The following ASIC2 variants were observed in gnomAD, a reference collection of about 807,000 sequenced individuals.
The protein encoded by ASIC2 is acid-sensing ion channel 2.
Under a neutral mutation model 57.3 loss-of-function variants are expected in ASIC2, and 25 were observed. The ratio of observed to expected loss-of-function variants is 0.44; its 90% CI spans 0.32 to 0.61. The LOEUF is 0.61. Ranked by LOEUF, ASIC2 falls within the 20% of genes least tolerant of loss-of-function variation. The pLI is 0.06. For synonymous variants in ASIC2, 319 were observed against 307.5 expected, an observed-to-expected ratio of 1.04 and a Z score of -0.39; for missense variants, 641 against 738.1, an observed-to-expected ratio of 0.87 and a Z score of 1.52.
At chr17:33,087,765 C>T (rs886502441) in intron 3 of ASIC2, among the ~76,000 whole-genome samples, 8 of 151,356 alleles carry the variant, frequency 5.3e-5, no homozygotes, top group Non-Finnish European at 1.0e-4. Flanking sequence ...CATAATGTTG[C>T]CCAGGCTGGT....
At chr17:33,892,150 T>A (rs886094441) in intron 1 of ASIC2, among the ~76,000 whole-genome samples, 3 of 152,206 alleles carry the variant, frequency 2.0e-5, no homozygotes, top group African/African-American at 7.2e-5. Context: ...AGAGTTATGT[T>A]TGTACTCATT....
intron 1 of ASIC2, among the ~76,000 whole-genome samples, chr17:33,909,744 T>C (rs1915421680): frequency 6.6e-6 from 1 of 152,232 alleles, no homozygotes. Flanking sequence ...AAATGATCAT[T>C]ATATAATTTG....
At chr17:33,635,531 G>A (rs1013483180) in intron 1 of ASIC2, among the ~76,000 whole-genome samples, 2 of 152,196 alleles carry the variant, frequency 1.3e-5, no homozygotes, top group African/African-American at 4.8e-5. Context: ...AGCCCAAAGT[G>A]GGAGATAGCA....
intron 3 of ASIC2, chr17:33,052,308 TG>T: frequency 6.6e-6 from 1 of 152,368 alleles, no homozygotes; most frequent in East Asian, 1.9e-4. Context: ...TTAATTCTTC[TG>T]GCTGTAATTT....
At position 33,213,722 on chromosome 17, in the gene ASIC2, A is replaced by G. The variant is rs570982611; in HGVS notation, c.708+77686T>C. Among the ~76,000 whole-genome samples the G allele has an allele frequency of 3.3e-5, 5 of 151,658 alleles. No individual in the cohort carries two copies. The East Asian group carries it at 9.7e-4, about 29-fold the overall frequency. ...TCTTTCCCCCTTTCCCCTTCTTTCC[A>G]CCCAGGCTGGATGTTCCAGCTGCCA... On this transcript the variant is annotated intron_variant, in intron 1 of 9. Coordinates refer to ENST00000225823, the MANE Select transcript of ASIC2 (RefSeq NM_183377.2).
At chr17:33,851,887 A>T (rs1038572768) in intron 1 of ASIC2, among the ~76,000 whole-genome samples, 6 of 152,224 alleles carry the variant, frequency 3.9e-5, no homozygotes, top group Non-Finnish European at 8.8e-5. Context: ...TGCTCAGTTC[A>T]TAGAGTAATT....
Position 33,912,597 on chromosome 17 carries a change from T to A in ASIC2, c.555+243381A>T, listed in dbSNP as rs913068387. 2.0e-5 allele frequency among the ~76,000 whole-genome samples: 3 copies of A among 152,164 alleles called. 1 individual carries two copies. In the South Asian group the frequency reaches 6.2e-4, roughly 32 times the overall value. On this transcript the variant is annotated intron_variant, in intron 1 of 9. Coordinates refer to the ASIC2 transcript ENST00000359872. ...GACAGCAGTTCTTCCCCAGCATCCCTGGGGAGTCCTGTGTGAAACCTCTGA... is the reference window on the plus strand; with the variant it reads ...GACAGCAGTTCTTCCCCAGCATCCCAGGGGAGTCCTGTGTGAAACCTCTGA...
intron 1 of ASIC2, among the ~76,000 whole-genome samples, chr17:33,786,030 GT>G (rs1911590804): frequency 6.6e-6 from 1 of 152,166 alleles, no homozygotes; most frequent in Non-Finnish European, 1.5e-5. Context: ...CTCAGGGAGA[GT>G]TTAAGGAGCT....
In ASIC2 at chr17:33,469,006, C is replaced by T. The variant is rs1458042828; in HGVS notation, c.556-356939G>A. ...AGGGTAGTTTACGGAAAGAGCCTGGCGGAGGCCTGGGCCCCAGAGAAGGGA... is the reference window on the plus strand; with the variant it reads ...AGGGTAGTTTACGGAAAGAGCCTGGTGGAGGCCTGGGCCCCAGAGAAGGGA... On this transcript the variant is annotated intron_variant, in intron 1 of 9. Transcript: ENST00000359872. Among the ~76,000 whole-genome samples the T allele has an allele frequency of 6.6e-5, 10 of 152,278 alleles. No homozygotes were observed. The South Asian group carries it at 1.0e-3, about 16-fold the overall frequency.
intron 3 of ASIC2, among the ~76,000 whole-genome samples, chr17:33,056,106 A>G (rs1402387771): frequency 3.3e-5 from 5 of 152,234 alleles, no homozygotes; most frequent in African/African-American, 9.6e-5. Flanking sequence ...TGAGATCCAG[A>G]AAGGCCAAGT....
rs534190650 is a variant in ASIC2 at position 33,031,642 on chromosome 17, C to T, written c.988-3250G>A. 2.0e-5 allele frequency among the ~76,000 whole-genome samples: 3 copies of T among 152,240 alleles called. No individual in the cohort carries two copies. The South Asian group carries it at 6.2e-4, about 32-fold the overall frequency. ...TGTTTAATATTGTTGCTCGGATCTT[C>T]TATATCTTTACTAATTTTTTCATCT... On this transcript the variant is annotated intron_variant, in intron 3 of 9. Transcript: ENST00000225823.
At chr17:33,359,038 C>T (rs1908496733) in intron 1 of ASIC2, among the ~76,000 whole-genome samples, 1 of 152,136 alleles carries the variant, frequency 6.6e-6, no homozygotes, top group Non-Finnish European at 1.5e-5. Flanking sequence ...CTTTCTCTTC[C>T]AGCAACAATG....
At chr17:33,362,700 T>C (rs956668378) in intron 1 of ASIC2, among the ~76,000 whole-genome samples, 1 of 152,204 alleles carries the variant, frequency 6.6e-6, no homozygotes, top group Non-Finnish European at 1.5e-5. Flanking sequence ...CCCTTGTGCC[T>C]CTCCAGGGCA....
intron 1 of ASIC2, among the ~76,000 whole-genome samples, chr17:33,360,901 C>T (rs571914200): frequency 6.6e-6 from 1 of 152,314 alleles, no homozygotes; most frequent in Admixed American, 6.5e-5. Flanking sequence ...TCAGCTACAG[C>T]AGGGACCTCC....
intron 1 of ASIC2, chr17:34,147,124 G>T (rs2142140734): frequency 6.6e-6 from 1 of 152,342 alleles, no homozygotes; most frequent in Non-Finnish European, 1.5e-5. Flanking sequence ...TAAAGTTTGA[G>T]TTTCAGCAAC....
intron 1 of ASIC2, chr17:34,005,034 A>G (rs1263281304): frequency 1.3e-5 from 2 of 152,144 alleles, no homozygotes; most frequent in Non-Finnish European, 2.9e-5. Context: ...ACCTAATGCT[A>G]TGCATTAGGT....
chr17:33,150,706 C>T (rs55739532), intron 1 of ASIC2, among the ~76,000 whole-genome samples: 16,647 of 101,620 alleles, frequency 0.16, 1,888 homozygotes, highest in East Asian at 0.24. Context: ...AAAAATTAGC[C>T]GGGCGTAGTG....
intron 1 of ASIC2, among the ~76,000 whole-genome samples, chr17:34,015,751 C>A (rs1214212221): frequency 6.6e-6 from 1 of 152,202 alleles, no homozygotes; most frequent in Non-Finnish European, 1.5e-5. Context: ...TTGGACTTTG[C>A]CAACTCCTTT....
In ASIC2 at chr17:34,039,241, T is replaced by C. The variant is rs1040737451; in HGVS notation, c.555+116737A>G. 4 of 1,613,854 alleles carry C rather than the reference T, an allele frequency of 2.5e-6. No individual in the cohort carries two copies. In the African/African-American group the frequency reaches 5.3e-5, roughly 22 times the overall value. ...TGCAGATATTTTTTCTATTGTGAGG[T>C]CGGACTGGGTCTGTCTGTGCTGGAT... is the stretch of plus-strand genomic sequence containing the variant. On this transcript the variant is annotated intron_variant, in intron 1 of 9. Transcript: ENST00000359872.
Sources: allele counts gnomAD v4.1 joint callset (sites outside exome capture counted in the v4.1 genomes callset), GRCh38; gene constraint gnomAD v4.1.1; transcripts MANE v1.5; gene names NCBI Gene and HGNC (gene_info 2026-07-23, HGNC 2026-07-21).